Variants in PPP4C observed in about 807,000 individuals in gnomAD.
PPP4C encodes the protein serine/threonine-protein phosphatase 4 catalytic subunit.
A neutral mutation model predicts 40.5 loss-of-function variants in PPP4C; 10 were observed. The ratio of observed to expected loss-of-function variants is 0.25; its 90% confidence interval spans 0.15 to 0.42. The LOEUF is 0.42. Ranked by LOEUF, PPP4C falls within the 10% of genes least tolerant of loss-of-function variation. The pLI, the probability that PPP4C is intolerant of heterozygous loss-of-function variation, is 1.00. For synonymous variants in PPP4C, 187 were observed against 163.6 expected (o/e 1.14, Z -1.09); for missense variants, 191 against 416.4 (o/e 0.46, Z 4.71).
At chr16:30,079,854 C>T (rs1245504034) in intron 2 of PPP4C, among the ~76,000 whole-genome samples, 9 of 152,162 alleles carry the variant, frequency 5.9e-5, no homozygotes. Flanking sequence ...AGCCAGGCTT[C>T]CCTGGTTCAT....
At position 30,076,065 on chromosome 16, in the gene PPP4C, C is replaced by T. The variant is rs1219923397; in HGVS notation, c.-93C>T. The stretch of plus-strand genomic sequence containing the variant: ...GGAGTGAAAGAGGGAGGCAGGGAGC[C>T]GGAGAGCCGGAACCGGAGTCGCAGC... On this transcript the variant is annotated 5_prime_UTR_variant, in exon 1 of 9. Coordinates refer to ENST00000279387, the MANE Select transcript of PPP4C (RefSeq NM_002720.3). 4.6e-6 allele frequency: 2 copies of T among 432,548 alleles called. No individual in the cohort carries two copies. Among genetic ancestry groups the T allele is most frequent in the African/African-American group, 2.1e-5 (1 of 47,526 alleles). The allele number at this position is 432,548 out of a possible 1,614,324, so 26.8% of individuals were successfully genotyped here.
At position 30,085,076 on chromosome 16, in the gene PPP4C, C is replaced by T. The variant is rs1472261660; in HGVS notation, c.*14C>T. Reference sequence around the variant, plus strand: ...TACTTCCTGTGACCCCGCCCGGCCCCTGCCCCCTCCAACCCTTCTGGCCCT... The same window carrying T: ...TACTTCCTGTGACCCCGCCCGGCCCTTGCCCCCTCCAACCCTTCTGGCCCT... On this transcript the variant is annotated 3_prime_UTR_variant, in exon 9 of 9. Coordinates refer to ENST00000279387, the MANE Select transcript of PPP4C (RefSeq NM_002720.3). 2 of 1,612,602 alleles carry T rather than the reference C, an allele frequency of 1.2e-6. No homozygotes were observed. The highest frequency in any genetic ancestry group is 1.1e-5 in the South Asian group (1 of 90,946).
chr16:30,076,548 G>A, intron 2 of PPP4C, 73 bp downstream of exon 2: 1 of 1,445,438 alleles, frequency 6.9e-7, no homozygotes, highest in Non-Finnish European at 9.5e-7. Context: ...AAACCCAACT[G>A]AGAACTTTGG....
At chr16:30,076,626 A>G (rs916896152) in intron 2 of PPP4C, 151 bp downstream of exon 2, 2 of 738,692 alleles carry the variant, frequency 2.7e-6, no homozygotes, top group African/African-American at 3.5e-5. Flanking sequence ...AGGAAAAGCT[A>G]GCCTGCTCGG....
Position 30,076,361 on chromosome 16 carries a change from C to T in PPP4C, c.-17C>T. ...GGGGGCGGCGGCCCCGACTCTGACC[C>T]GCGCCGGGGGTGGGCCATGGCGGAG... On this transcript the variant is annotated 5_prime_UTR_variant, in exon 2 of 9. Coordinates refer to ENST00000279387, the MANE Select transcript of PPP4C (RefSeq NM_002720.3). 1.2e-6 allele frequency: 2 copies of T among 1,611,362 alleles called. No homozygotes were observed. Among genetic ancestry groups the T allele is most frequent in the Non-Finnish European group, 1.7e-6 (2 of 1,178,926 alleles).
At chr16:30,085,375 GT>G in exon 9 of PPP4C, 1 of 232,360 alleles carries the variant, frequency 4.3e-6, no homozygotes. Flanking sequence ...AAGAAAAATG[GT>G]TTTTGGGTTT....
rs763832356 is a variant in PPP4C at position 30,076,350 on chromosome 16, C to G, written c.-28C>G. 5.9e-5 allele frequency: 95 copies of G among 1,609,052 alleles called. 1 individual carries two copies. The highest frequency in any genetic ancestry group is 4.8e-5 in the Non-Finnish European group (57 of 1,177,744). On this transcript the variant is annotated 5_prime_UTR_variant, in exon 2 of 9. Transcript: ENST00000279387. ...TGCGGTGCGGAGGGGGCGGCGGCCC[C>G]GACTCTGACCCGCGCCGGGGGTGGG...
In PPP4C at chr16:30,085,085, C is replaced by T. The variant is rs760020735; in HGVS notation, c.*23C>T. On this transcript the variant is annotated 3_prime_UTR_variant, in exon 9 of 9. Transcript: ENST00000279387. ...TGACCCCGCCCGGCCCCTGCCCCCT[C>T]CAACCCTTCTGGCCCTCGCACCACT... The T allele has an allele frequency of 7.4e-6, 12 of 1,611,264 alleles. No individual in the cohort carries two copies. The highest frequency in any genetic ancestry group is 1.0e-5 in the Non-Finnish European group (12 of 1,178,888).
chr16:30,076,213 G>A, intron 1 of PPP4C, 102 bp from the exon 2 acceptor site: 2 of 687,110 alleles, frequency 2.9e-6, no homozygotes, highest in Non-Finnish European at 4.8e-6. Flanking sequence ...GCCGATGTGA[G>A]GGGAGGCGGG....
chr16:30,076,828 A>C (rs1299853034), intron 2 of PPP4C, among the ~76,000 whole-genome samples: 1 of 152,170 alleles, frequency 6.6e-6, no homozygotes, highest in Non-Finnish European at 1.5e-5. Flanking sequence ...TCAGCCAAAA[A>C]CCAAAAGTTT....
chr16:30,081,245 TCTC>T lies in PPP4C; in HGVS notation c.99-11_99-9del, dbSNP rs2072500685. On this transcript the variant is annotated splice_polypyrimidine_tract_variant and intron_variant, in intron 2 of 8. Coordinates refer to ENST00000279387, the MANE Select transcript of PPP4C (RefSeq NM_002720.3). ...GGCCTGGCTGTGGTGACCCTGGTCT[TCTC>T]CTGTCTCCAGAGAGATCTTGGTAGA... The T allele has an allele frequency of 1.2e-6, 2 of 1,613,508 alleles. No individual in the cohort carries two copies. Among genetic ancestry groups the T allele is most frequent in the Middle Eastern group, 1.7e-4 (1 of 6,038 alleles).
In PPP4C at chr16:30,085,113, G is replaced by A; in HGVS notation, c.*51G>A. 1 of 1,595,284 alleles carries A rather than the reference G, an allele frequency of 6.3e-7. No homozygotes were observed. The highest frequency in any genetic ancestry group is 8.6e-7 in the Non-Finnish European group (1 of 1,168,478). Reference sequence around the variant, plus strand: ...ACCCTTCTGGCCCTCGCACCACTGTGACTCTGCCATCTTCCTCAGACGGAG... The same window carrying A: ...ACCCTTCTGGCCCTCGCACCACTGTAACTCTGCCATCTTCCTCAGACGGAG... On this transcript the variant is annotated 3_prime_UTR_variant, in exon 9 of 9. Coordinates refer to ENST00000279387, the MANE Select transcript of PPP4C (RefSeq NM_002720.3).
chr16:30,081,134 T>C, intron 2 of PPP4C, 125 bp from the exon 3 acceptor site: 1 of 1,354,520 alleles, frequency 7.4e-7, no homozygotes, highest in Non-Finnish European at 1.0e-6. Context: ...GGGGAGACTG[T>C]ACGCTTCACT....
intron 1 of PPP4C, 37 bp downstream of exon 1, chr16:30,076,131 G>T: frequency 1.8e-6 from 1 of 565,706 alleles, no homozygotes. Flanking sequence ...ACCGTCCTTA[G>T]CGCGGGACCG....
At position 30,082,926 on chromosome 16, in the gene PPP4C, C is replaced by A; in HGVS notation, c.303+79C>A. On this transcript the variant is annotated intron_variant, in intron 5 of 8. Coordinates refer to ENST00000279387, the MANE Select transcript of PPP4C (RefSeq NM_002720.3). ...GTCTTAGTCCGTTCCGCCCTCATCTCCTATCGTGACCAGCCCCACCTTGGA... is the reference window on the plus strand; with the variant it reads ...GTCTTAGTCCGTTCCGCCCTCATCTACTATCGTGACCAGCCCCACCTTGGA... The A allele has an allele frequency of 2.5e-6, 3 of 1,208,896 alleles. No individual in the cohort carries two copies. The East Asian group carries it at 7.0e-5, about 28-fold the overall frequency. 74.9% of individuals were successfully genotyped at this position (1,208,896 alleles called of 1,614,324 possible). A position where few individuals can be genotyped will look rare whatever the true frequency, so the allele number is the denominator to read the frequency against.
At position 30,076,085 on chromosome 16, in the gene PPP4C, C is replaced by G. The variant is rs2072384467; in HGVS notation, c.-73C>G. The G allele has an allele frequency of 2.3e-6, 1 of 440,292 alleles. No homozygotes were observed. Among genetic ancestry groups the G allele is most frequent in the African/African-American group, 2.1e-5 (1 of 48,040 alleles). 27.3% of individuals were successfully genotyped at this position (440,292 alleles called of 1,614,324 possible). On this transcript the variant is annotated 5_prime_UTR_variant, in exon 1 of 9. Transcript: ENST00000279387. ...GGAGCCGGAGAGCCGGAACCGGAGT[C>G]GCAGCGGCGGTAATAGTGCGAGACT...
intron 7 of PPP4C, among the ~76,000 whole-genome samples, chr16:30,084,398 A>C (rs1260885629): frequency 6.6e-6 from 1 of 152,152 alleles, no homozygotes; most frequent in Non-Finnish European, 1.5e-5. Context: ...TTTCACTCTT[A>C]TGTGCTGTTT....
At position 30,083,414 on chromosome 16, in the gene PPP4C, C is replaced by T; in HGVS notation, c.324C>T (p.Ile108=). 6.2e-7 allele frequency: 1 copy of T among 1,613,658 alleles called. No individual in the cohort carries two copies. The highest frequency in any genetic ancestry group is 1.7e-5 in the Admixed American group (1 of 60,030). Residue 108 remains isoleucine (I), a synonymous_variant, in exon 6 of 9, where the codon ATC becomes ATT. Coordinates refer to ENST00000279387, the MANE Select transcript of PPP4C (RefSeq NM_002720.3). The surrounding 1 kb of genome is among the most constrained non-coding windows in gnomAD (Gnocchi z 6.3). ...LALKVRYPDR[I]TLIRGNHESR... Reference sequence around the variant, plus strand: ...CCCAGGTTCGCTATCCTGATCGCATCACACTGATCCGGGGCAACCATGAGA... The same window carrying T: ...CCCAGGTTCGCTATCCTGATCGCATTACACTGATCCGGGGCAACCATGAGA...
At chr16:30,076,235 C>T in intron 1 of PPP4C, 80 bp from the exon 2 acceptor site, 2 of 821,680 alleles carry the variant, frequency 2.4e-6, no homozygotes, top group Non-Finnish European at 3.8e-6. Flanking sequence ...GTGGGGGAGC[C>T]GGGCCGGCTC....
Sources: gnomAD v4.1 joint callset for allele counts (sites outside exome capture counted in the v4.1 genomes callset) on GRCh38, gnomAD v4.1.1 for gene constraint, Gnocchi (gnomAD v3.1) non-coding constraint, MANE v1.5 for transcripts, NCBI Gene and HGNC (gene_info 2026-07-23, HGNC 2026-07-21) for gene names.